EPC1: variants seen among roughly 807,000 people sequenced by gnomAD.
The protein encoded by EPC1 is enhancer of polycomb 1, also known as enhancer of polycomb homolog 1.
EPC1 carries 12 observed loss-of-function variants against 98.4 expected under a neutral mutation model. The ratio of observed to expected loss-of-function variants is 0.12; its 90% confidence interval spans 0.08 to 0.20. The LOEUF is 0.20. EPC1 is among the 10% of genes least tolerant of loss of function. The probability of loss-of-function intolerance (pLI) is 1.00; values close to 1 mark genes in which losing one functional copy is unlikely to be tolerated. For missense variants in EPC1, 729 were observed against 990.5 expected, an observed-to-expected ratio of 0.74 and a Z score of 3.54; for synonymous variants, 357 against 363.9, an observed-to-expected ratio of 0.98 and a Z score of 0.21.
chr10:32,306,592 G>A (rs973383459), intron 1 of EPC1, among the ~76,000 whole-genome samples: 10 of 152,054 alleles, frequency 6.6e-5, no homozygotes, highest in Non-Finnish European at 1.3e-4. Context: ...GTGACTCCCG[G>A]CAAGAAACCA....
At chr10:32,326,871 G>A (rs998940525) in intron 1 of EPC1, among the ~76,000 whole-genome samples, 11 of 151,838 alleles carry the variant, frequency 7.2e-5, no homozygotes, top group Admixed American at 4.6e-4. Flanking sequence ...AAGTGAGAAC[G>A]TCTATTAGAA....
At chr10:32,329,315 A>G (rs765648551) in intron 1 of EPC1, among the ~76,000 whole-genome samples, 2 of 152,240 alleles carry the variant, frequency 1.3e-5, no homozygotes, top group Non-Finnish European at 2.9e-5. Context: ...GTGAGGCCAC[A>G]TAGTACAGAA....
chr10:32,275,950 A>G (rs1392316759), intron 10 of EPC1, among the ~76,000 whole-genome samples: 1 of 152,060 alleles, frequency 6.6e-6, no homozygotes, highest in Non-Finnish European at 1.5e-5. Flanking sequence ...AAAAAAAAAA[A>G]ATGCAATCAA....
intron 10 of EPC1, among the ~76,000 whole-genome samples, chr10:32,276,179 G>A (rs1836083429): frequency 6.6e-6 from 1 of 152,252 alleles, no homozygotes; most frequent in East Asian, 1.9e-4. Flanking sequence ...GAGTATTCCT[G>A]AGAAAGTAAA....
intron 1 of EPC1, among the ~76,000 whole-genome samples, chr10:32,338,943 AAAT>A (rs200998577): frequency 0.033 from 1,674 of 51,278 alleles, 22 homozygotes; most frequent in Non-Finnish European, 0.085. Context: ...GTCTCAAAAA[AAAT>A]AAATAAATAA....
intron 1 of EPC1, among the ~76,000 whole-genome samples, chr10:32,363,027 A>G (rs1839488586): frequency 6.6e-6 from 1 of 150,986 alleles, no homozygotes; most frequent in African/African-American, 2.4e-5. Flanking sequence ...TTACATCCAT[A>G]AAGGAAATCT....
At chr10:32,291,951 A>G (rs561720999) in intron 5 of EPC1, 1 of 152,218 alleles carries the variant, frequency 6.6e-6, no homozygotes, top group South Asian at 2.1e-4. Context: ...AATGCCTAAA[A>G]TGGTGCTAAG....
chr10:32,300,167 C>A (rs1835412296), intron 2 of EPC1, among the ~76,000 whole-genome samples: 1 of 152,198 alleles, frequency 6.6e-6, no homozygotes, highest in African/African-American at 2.4e-5. Flanking sequence ...CTGCCTCAGC[C>A]TCCCAAAGTG....
intron 1 of EPC1, among the ~76,000 whole-genome samples, chr10:32,316,547 G>C (rs574391976): frequency 3.3e-5 from 5 of 152,258 alleles, no homozygotes; most frequent in Admixed American, 1.3e-4. Context: ...AAACACCATA[G>C]GGAGTAAAAA....
chr10:32,345,952 G>A (rs780958014), intron 1 of EPC1, among the ~76,000 whole-genome samples: 2 of 152,190 alleles, frequency 1.3e-5, no homozygotes, highest in African/African-American at 2.4e-5. Flanking sequence ...CTTCAGAAGA[G>A]AGAGGTACTC....
chr10:32,333,061 GC>G (rs2132980267), intron 1 of EPC1, among the ~76,000 whole-genome samples: 1 of 152,290 alleles, frequency 6.6e-6, no homozygotes, highest in East Asian at 1.9e-4. Flanking sequence ...AGAAATTTTG[GC>G]TGGGCGCGGT....
intron 11 of EPC1, 127 bp downstream of exon 11, chr10:32,273,035 CT>C: frequency 6.2e-7 from 1 of 1,614,122 alleles, no homozygotes; most frequent in Non-Finnish European, 8.5e-7. Flanking sequence ...TTTCTAAACC[CT>C]GTATATTCAG....
intron 1 of EPC1, among the ~76,000 whole-genome samples, chr10:32,328,696 T>C (rs1837453249): frequency 6.6e-6 from 1 of 152,140 alleles, no homozygotes; most frequent in Non-Finnish European, 1.5e-5. Context: ...ACACTCTCCA[T>C]ATCTAGGGTA....
chr10:32,358,574 G>A (rs963889774), intron 1 of EPC1, among the ~76,000 whole-genome samples: 2 of 150,654 alleles, frequency 1.3e-5, no homozygotes, highest in Admixed American at 6.6e-5. Flanking sequence ...GAGCCTAGGA[G>A]GTTGAGGCTG....
intron 1 of EPC1, among the ~76,000 whole-genome samples, chr10:32,363,166 G>A (rs9417045): frequency 6.6e-6 from 1 of 151,554 alleles, no homozygotes; most frequent in Admixed American, 6.6e-5. Context: ...CTTGACCTCT[G>A]AGGCTCAGGC....
intron 13 of EPC1, among the ~76,000 whole-genome samples, chr10:32,270,941 C>T (rs142001510): frequency 0.012 from 1,839 of 150,156 alleles, 40 homozygotes; most frequent in African/African-American, 0.042. Context: ...ATAAAAGAAA[C>T]GCTCTCAGGA....
At chr10:32,377,752 C>T (rs1254264890) in intron 1 of EPC1, among the ~76,000 whole-genome samples, 1 of 151,640 alleles carries the variant, frequency 6.6e-6, no homozygotes, top group Non-Finnish European at 1.5e-5. Context: ...AGGAGCACTA[C>T]AGCGCCACCA....
intron 1 of EPC1, chr10:32,377,281 C>G (rs1178856964): frequency 6.6e-6 from 1 of 152,094 alleles, no homozygotes; most frequent in Non-Finnish European, 1.5e-5. Context: ...AGAAAAACCT[C>G]AGGAGAAACT....
chr10:32,338,629 T>C (rs997056347), intron 1 of EPC1, among the ~76,000 whole-genome samples: 6 of 152,196 alleles, frequency 3.9e-5, no homozygotes, highest in Non-Finnish European at 7.3e-5. Flanking sequence ...GCTCAGGCTC[T>C]GTGCACCTGT....
Sources: gnomAD v4.1 joint callset for allele counts (sites outside exome capture counted in the v4.1 genomes callset) on GRCh38, gnomAD v4.1.1 for gene constraint, MANE v1.5 for transcripts, NCBI Gene and HGNC (gene_info 2026-07-23, HGNC 2026-07-21) for gene names.